Variants in LY75 observed in about 807,000 individuals in gnomAD.
LY75 encodes the protein lymphocyte antigen 75.
Under a neutral mutation model 231.7 loss-of-function variants are expected in LY75, and 185 were observed. The ratio of observed to expected loss-of-function variants is 0.80; its 90% CI spans 0.71 to 0.90. The LOEUF (loss-of-function observed/expected upper bound fraction) is 0.90, where lower values mean the gene tolerates loss of function less well. Among genes scored for constraint, LY75 ranks in the 40% least tolerant of loss-of-function variants. The probability of loss-of-function intolerance (pLI) is 0.00; values close to 1 mark genes in which losing one functional copy is unlikely to be tolerated. For missense variants in LY75, 1,947 were observed against 2,050.2 expected (o/e 0.95, Z 0.97); for synonymous variants, 668 against 689.0 (o/e 0.97, Z 0.48).
At chr2:159,875,345 A>G in intron 12 of LY75, 99 bp downstream of exon 12, 1 of 1,477,254 alleles carries the variant, frequency 6.8e-7, no homozygotes, top group Non-Finnish European at 9.1e-7. Flanking sequence ...TAGTTAGGTT[A>G]CATAGTACTA....
chr2:159,818,061 T>A (rs549593215), intron 29 of LY75, among the ~76,000 whole-genome samples: 5 of 151,580 alleles, frequency 3.3e-5, no homozygotes, highest in East Asian at 1.9e-4. Flanking sequence ...AAAAAATAAA[T>A]AAATAAATAA....
chr2:159,828,927 A>C (rs1683565120), intron 28 of LY75, among the ~76,000 whole-genome samples: 1 of 152,216 alleles, frequency 6.6e-6, no homozygotes, highest in African/African-American at 2.4e-5. Flanking sequence ...GATTTCATTT[A>C]TGTAAAATGT....
At chr2:159,807,224 C>T in intron 33 of LY75, 84 bp from the exon 34 acceptor site, 2 of 1,431,084 alleles carry the variant, frequency 1.4e-6, no homozygotes, top group Non-Finnish European at 1.9e-6. Flanking sequence ...CTCATCAGAA[C>T]TGTGCTGTCC....
At chr2:159,846,616 A>C (rs1684210518) in intron 23 of LY75, among the ~76,000 whole-genome samples, 1 of 152,248 alleles carries the variant, frequency 6.6e-6, no homozygotes, top group African/African-American at 2.4e-5. Flanking sequence ...TGGACTTTCT[A>C]ACCTAAAAGC....
At chr2:159,866,164 C>G (rs974900256) in intron 13 of LY75, among the ~76,000 whole-genome samples, 5 of 152,040 alleles carry the variant, frequency 3.3e-5, no homozygotes, top group African/African-American at 4.8e-5. Flanking sequence ...ACAATGCATA[C>G]TCTCAAGTTC....
intron 28 of LY75, among the ~76,000 whole-genome samples, chr2:159,821,125 A>G (rs937179573): frequency 2.6e-5 from 4 of 151,978 alleles, no homozygotes; most frequent in Admixed American, 2.6e-4. Context: ...GGCATGAGCC[A>G]CCGTGCCTGG....
At chr2:159,854,976 A>T in intron 16 of LY75, 37 bp from the exon 17 acceptor site, 1 of 1,612,230 alleles carries the variant, frequency 6.2e-7, no homozygotes, top group Non-Finnish European at 8.5e-7. Flanking sequence ...TTAGTATTCC[A>T]TGACAGATCA....
chr2:159,875,662 G>C lies in LY75; in HGVS notation c.1775-19C>G. 6.2e-7 allele frequency: 1 copy of C among 1,610,718 alleles called. No individual in the cohort carries two copies. The highest frequency in any genetic ancestry group is 1.7e-5 in the Admixed American group (1 of 59,170). On this transcript the variant is annotated intron_variant, in intron 11 of 34. Transcript: ENST00000263636. ...GGGGAAGCTGGGATTGAAGTGGAAA[G>C]CTCAATTAAAAATTAAAACGTTAAA... is the stretch of plus-strand genomic sequence containing the variant.
chr2:159,895,392 G>C (rs1375946238), intron 2 of LY75, among the ~76,000 whole-genome samples: 1 of 152,130 alleles, frequency 6.6e-6, no homozygotes, highest in Admixed American at 6.5e-5. Flanking sequence ...CCCCCCAATA[G>C]CTCATGACCA....
At chr2:159,836,104 A>G (rs886893797) in intron 25 of LY75, among the ~76,000 whole-genome samples, 1 of 152,234 alleles carries the variant, frequency 6.6e-6, no homozygotes, top group Non-Finnish European at 1.5e-5. Context: ...AGTGGAAAGA[A>G]TATGGGCTAC....
chr2:159,902,234 A>C (rs1188270693), intron 1 of LY75: 1 of 152,226 alleles, frequency 6.6e-6, no homozygotes, highest in Non-Finnish European at 1.5e-5. Context: ...CTCCAAGTAC[A>C]ATATTGGGGC....
At chr2:159,893,724 A>G (rs1452818176) in intron 3 of LY75, among the ~76,000 whole-genome samples, 190 bp downstream of exon 3, 1 of 152,084 alleles carries the variant, frequency 6.6e-6, no homozygotes, top group Non-Finnish European at 1.5e-5. Context: ...GCCTTGGTTC[A>G]CTTCCGGGCC....
At position 159,850,791 on chromosome 2, in the gene LY75, T is replaced by TATATATATATATATAAAA. The variant is rs1341394980; in HGVS notation, c.2884-325_2884-324insTTTTATATATATATATAT. ...AAACTTTCATATATATATATATATA[T>TATATATATATATATAAAA]ATATATATTATATCTTATATATAAG... On this transcript the variant is annotated intron_variant, in intron 21 of 34. Coordinates refer to ENST00000263636, the MANE Select transcript of LY75 (RefSeq NM_002349.4). 4.0e-4 allele frequency among the ~76,000 whole-genome samples: 38 copies of TATATATATATATATAAAA among 94,452 alleles called. 4 individuals are homozygous for TATATATATATATATAAAA. Among genetic ancestry groups the TATATATATATATATAAAA allele is most frequent in the Admixed American group, 6.6e-4 (6 of 9,138 alleles). The allele number at this position is 94,452 out of a possible 152,430, so 62.0% of individuals were successfully genotyped here. A position where few individuals can be genotyped will look rare whatever the true frequency, so the allele number is the denominator to read the frequency against.
At chr2:159,888,678 A>G (rs976301780) in intron 4 of LY75, among the ~76,000 whole-genome samples, 1 of 152,224 alleles carries the variant, frequency 6.6e-6, no homozygotes, top group Non-Finnish European at 1.5e-5. Flanking sequence ...AATAAAGCTT[A>G]CAGCTTTGTG....
intron 24 of LY75, among the ~76,000 whole-genome samples, chr2:159,841,700 A>G (rs574906037): frequency 7.9e-4 from 121 of 152,242 alleles, no homozygotes; most frequent in African/African-American, 2.9e-3. Context: ...GTTAATGCTA[A>G]ATTTAACAGT....
chr2:159,853,155 C>A, intron 20 of LY75, 118 bp downstream of exon 20: 1 of 1,056,524 alleles, frequency 9.5e-7, no homozygotes, highest in Non-Finnish European at 1.4e-6. Context: ...AATAATAAAT[C>A]AGAATAAGAT....
At position 159,854,874 on chromosome 2, in the gene LY75, T is replaced by C. The variant is rs369694465; in HGVS notation, c.2419+30A>G. On this transcript the variant is annotated intron_variant, in intron 17 of 34. Coordinates refer to ENST00000263636, the MANE Select transcript of LY75 (RefSeq NM_002349.4). ...GCATTAGTGACAAGGTAAAAGCAGC[T>C]TTGGTTAAATTTCAGTTTTCTTAAC... The C allele has an allele frequency of 1.6e-5, 25 of 1,612,874 alleles. No individual in the cohort carries two copies. In the African/African-American group the frequency reaches 3.3e-4, roughly 22 times the overall value.
chr2:159,808,074 G>A, intron 33 of LY75: 1 of 983,762 alleles, frequency 1.0e-6, no homozygotes, highest in Non-Finnish European at 1.2e-6. Context: ...GAAGTTATAA[G>A]CTGCAAATCC....
At chr2:159,805,349 G>A in intron 34 of LY75, 127 bp from the exon 35 acceptor site, 1 of 592,242 alleles carries the variant, frequency 1.7e-6, no homozygotes, top group Non-Finnish European at 3.0e-6. Flanking sequence ...AAATCTGATT[G>A]TTTCATAGCG....
Sources: gnomAD v4.1 joint callset for allele counts (sites outside exome capture counted in the v4.1 genomes callset) on GRCh38, gnomAD v4.1.1 for gene constraint, MANE v1.5 for transcripts, NCBI Gene and HGNC (gene_info 2026-07-23, HGNC 2026-07-21) for gene names.